The following PCDHGB3 variants were observed in gnomAD, a reference collection of about 807,000 sequenced individuals.
PCDHGB3 encodes protocadherin gamma-B3.
Under a neutral mutation model 59.2 loss-of-function variants are expected in PCDHGB3, and 40 were observed. The ratio of observed to expected loss-of-function variants is 0.68; its 90% CI spans 0.52 to 0.88. The LOEUF is 0.88. Ranked by LOEUF, PCDHGB3 falls within the 40% of genes least tolerant of loss-of-function variation. The probability of loss-of-function intolerance (pLI) is 0.00; values close to 1 mark genes in which losing one functional copy is unlikely to be tolerated. For synonymous variants in PCDHGB3, 581 were observed against 503.6 expected, an observed-to-expected ratio of 1.15 and a Z score of -2.06; for missense variants, 1,309 against 1,187.9, an observed-to-expected ratio of 1.10 and a Z score of -1.50.
intron 2 of PCDHGB3, among the ~76,000 whole-genome samples, chr5:141,502,500 G>A (rs1398797155): frequency 6.6e-6 from 1 of 152,046 alleles, no homozygotes; most frequent in Non-Finnish European, 1.5e-5. Context: ...ATCTAACGTC[G>A]GCCTGTCCCA....
intron 1 of PCDHGB3, among the ~76,000 whole-genome samples, chr5:141,474,417 C>CCATT (rs1206525105): frequency 6.6e-6 from 1 of 152,222 alleles, no homozygotes; most frequent in East Asian, 1.9e-4. Context: ...GATGCCTAGA[C>CCATT]CATTGGTCCT....
Position 141,372,039 on chromosome 5 carries a change from C to A in PCDHGB3, c.1645C>A (p.Arg549Ser), listed in dbSNP as rs757866605. 4.3e-6 allele frequency: 7 copies of A among 1,613,350 alleles called. No homozygotes were observed. Among genetic ancestry groups the A allele is most frequent in the Admixed American group, 1.7e-5 (1 of 59,996 alleles). ...TACGCTCAGCGCCAACGTGAGCCTG[C>A]GCGTGTTGGTGGACGACCGCAACGA... ...SPTLSANVSL[R>S]VLVDDRNDNA... Residue 549 changes from arginine (R) to serine (S), a missense_variant, in exon 1 of 4, where the codon CGC becomes AGC. Coordinates refer to ENST00000576222, the MANE Select transcript of PCDHGB3 (RefSeq NM_018924.5).
At chr5:141,462,990 A>G (rs181384059) in intron 1 of PCDHGB3, among the ~76,000 whole-genome samples, 1 of 152,126 alleles carries the variant, frequency 6.6e-6, no homozygotes, top group Non-Finnish European at 1.5e-5. Flanking sequence ...GCCTTGGGCT[A>G]ATTTAGACCT....
At chr5:141,452,119 TTCATATATGGC>T (rs1472213897) in intron 1 of PCDHGB3, among the ~76,000 whole-genome samples, 3 of 152,250 alleles carry the variant, frequency 2.0e-5, no homozygotes, top group African/African-American at 7.2e-5. Flanking sequence ...TTCTTATTTA[TTCATATATGGC>T]TCATGTGTTT....
rs540147412 is a variant in PCDHGB3 at position 141,381,240 on chromosome 5, G to A, written c.2415+8431G>A. 4.6e-5 allele frequency among the ~76,000 whole-genome samples: 7 copies of A among 152,318 alleles called. No homozygotes were observed. The South Asian group carries it at 1.4e-3, about 32-fold the overall frequency. ...TCCTGGTTCCACCAACTACTCTCCA[G>A]GACCTAGAAGAATTTACAAACCAAG... On this transcript the variant is annotated intron_variant, in intron 1 of 3. Coordinates refer to ENST00000576222, the MANE Select transcript of PCDHGB3 (RefSeq NM_018924.5).
In PCDHGB3 at chr5:141,478,136, C is replaced by G. The variant is rs529858044; in HGVS notation, c.2416-16671C>G. 1.4e-4 allele frequency: 218 copies of G among 1,614,048 alleles called. 3 individuals are homozygous for G. The South Asian group carries it at 2.2e-3, about 17-fold the overall frequency. ...AGTAACCGAGGACTCTCCTGAAGCC[C>G]GAGCCGAGTTCCCCTCTGGCTCTGC... is the stretch of plus-strand genomic sequence containing the variant. On this transcript the variant is annotated intron_variant, in intron 1 of 3. Coordinates refer to ENST00000576222, the MANE Select transcript of PCDHGB3 (RefSeq NM_018924.5).
chr5:141,393,752 AT>A, intron 1 of PCDHGB3: 1 of 1,613,942 alleles, frequency 6.2e-7, no homozygotes, highest in Non-Finnish European at 8.5e-7. Flanking sequence ...AAGAATGTTC[AT>A]TTTATGAAAT....
chr5:141,404,085 A>G, intron 1 of PCDHGB3: 1 of 1,613,618 alleles, frequency 6.2e-7, no homozygotes, highest in South Asian at 1.1e-5. Context: ...GACTCCGGGA[A>G]GAATGGTCAA....
Position 141,410,164 on chromosome 5 carries a change from C to T in PCDHGB3, c.2415+37355C>T, listed in dbSNP as rs756470415. The T allele has an allele frequency of 4.4e-5, 71 of 1,613,642 alleles. No homozygotes were observed. The highest frequency in any genetic ancestry group is 5.8e-5 in the Non-Finnish European group (69 of 1,179,812). On this transcript the variant is annotated intron_variant, in intron 1 of 3. Transcript: ENST00000576222. ...TGCGTGACGGTGGACAGCCGCCACTCTCTGCCACCGCCACGCTTCATCTGG... is the reference window on the plus strand; with the variant it reads ...TGCGTGACGGTGGACAGCCGCCACTTTCTGCCACCGCCACGCTTCATCTGG...
chr5:141,398,408 A>G (rs2093653088), intron 1 of PCDHGB3: 1 of 1,473,232 alleles, frequency 6.8e-7, no homozygotes, highest in African/African-American at 1.4e-5. Flanking sequence ...GACAGGGAGG[A>G]GATATGCGGG....
chr5:141,409,644 TG>T, intron 1 of PCDHGB3: 1 of 1,613,700 alleles, frequency 6.2e-7, no homozygotes, highest in Non-Finnish European at 8.5e-7. Flanking sequence ...GACCCGGATT[TG>T]GGGCTCAATG....
chr5:141,451,532 G>T (rs1168984212), intron 1 of PCDHGB3, among the ~76,000 whole-genome samples: 1 of 152,180 alleles, frequency 6.6e-6, no homozygotes, highest in African/African-American at 2.4e-5. Flanking sequence ...AAAGGAGAGT[G>T]CCAGAGAGGG....
intron 1 of PCDHGB3, chr5:141,384,575 C>T (rs754018989): frequency 8.7e-6 from 14 of 1,614,258 alleles, no homozygotes; most frequent in South Asian, 2.2e-5. Flanking sequence ...AATGACAACC[C>T]GCCCGAGATC....
chr5:141,376,111 C>A, intron 1 of PCDHGB3: 1 of 1,613,822 alleles, frequency 6.2e-7, no homozygotes, highest in Non-Finnish European at 8.5e-7. Flanking sequence ...CCGACCTGGG[C>A]AGCCTCGAGC....
intron 1 of PCDHGB3, chr5:141,433,063 G>T (rs1411651811): frequency 3.1e-6 from 5 of 1,614,176 alleles, no homozygotes; most frequent in Non-Finnish European, 4.2e-6. Flanking sequence ...AGAGTCACCT[G>T]ATCTTCCCCC....
intron 1 of PCDHGB3, chr5:141,408,797 C>A (rs965305130): frequency 6.2e-7 from 1 of 1,612,958 alleles, no homozygotes; most frequent in African/African-American, 1.3e-5. Context: ...TCTGGAGAAA[C>A]TCCTAGACCG....
At chr5:141,427,970 C>G in intron 1 of PCDHGB3, 1 of 1,592,510 alleles carries the variant, frequency 6.3e-7, no homozygotes. Context: ...GGGTGCTGTA[C>G]CCCGCGCTGG....
intron 1 of PCDHGB3, chr5:141,478,786 C>T: frequency 6.8e-7 from 1 of 1,480,998 alleles, no homozygotes; most frequent in Non-Finnish European, 9.0e-7. Context: ...ACCTAATTCA[C>T]ATCCTCAGCA....
intron 2 of PCDHGB3, among the ~76,000 whole-genome samples, chr5:141,502,832 G>T (rs1266910323): frequency 6.6e-6 from 1 of 150,516 alleles, no homozygotes; most frequent in Non-Finnish European, 1.5e-5. Context: ...GGGGAAGCCT[G>T]GACTGGCTGA....
Sources: allele counts gnomAD v4.1 joint callset (sites outside exome capture counted in the v4.1 genomes callset), GRCh38; gene constraint gnomAD v4.1.1; transcripts MANE v1.5; gene names NCBI Gene and HGNC (gene_info 2026-07-23, HGNC 2026-07-21).